AUTS2: variants seen among roughly 807,000 people sequenced by gnomAD.
AUTS2 encodes the protein autism susceptibility gene 2 protein.
Under a neutral mutation model 112.4 loss-of-function variants are expected in AUTS2, and 17 were observed. That is an observed-to-expected ratio of 0.15 (90% CI 0.10 to 0.23). The LOEUF is 0.23. AUTS2 is among the 10% of genes least tolerant of loss of function. The probability of loss-of-function intolerance (pLI) is 1.00; values close to 1 mark genes in which losing one functional copy is unlikely to be tolerated. For synonymous variants in AUTS2, 751 were observed against 702.7 expected (o/e 1.07, Z -1.09); for missense variants, 1,510 against 1,701.6 (o/e 0.89, Z 1.98).
At chr7:70,000,425 T>G (rs1799139192) in intron 2 of AUTS2, among the ~76,000 whole-genome samples, 1 of 152,220 alleles carries the variant, frequency 6.6e-6, no homozygotes, top group African/African-American at 2.4e-5. Context: ...AAATGTCTGT[T>G]GTGTACAGTT....
intron 1 of AUTS2, among the ~76,000 whole-genome samples, chr7:69,845,356 G>A (rs911175008): frequency 6.6e-6 from 1 of 152,176 alleles, no homozygotes; most frequent in Admixed American, 6.5e-5. Flanking sequence ...AACTGGCAAA[G>A]AGAATCAAGA....
intron 1 of AUTS2, among the ~76,000 whole-genome samples, chr7:69,651,336 C>T (rs1340550708): frequency 1.3e-5 from 2 of 152,162 alleles, no homozygotes; most frequent in African/African-American, 4.8e-5. Context: ...TTTTCTGAGC[C>T]ACAGGTTCAG....
intron 4 of AUTS2, among the ~76,000 whole-genome samples, chr7:70,269,937 G>A (rs979457963): frequency 1.1e-4 from 17 of 152,110 alleles, no homozygotes; most frequent in African/African-American, 4.1e-4. Context: ...GCTTTGGGAG[G>A]CCAAAGTGGA....
At chr7:69,843,650 C>G (rs1303924157) in intron 1 of AUTS2, among the ~76,000 whole-genome samples, 1 of 152,046 alleles carries the variant, frequency 6.6e-6, no homozygotes, top group African/African-American at 2.4e-5. Context: ...TTGTAGAGTA[C>G]CAGGGGGAAT....
At chr7:70,309,937 A>G (rs1300935833) in intron 4 of AUTS2, among the ~76,000 whole-genome samples, 1 of 152,184 alleles carries the variant, frequency 6.6e-6, no homozygotes, top group Admixed American at 6.6e-5. Flanking sequence ...AGGCAAATCA[A>G]GTTCACATAT....
intron 2 of AUTS2, among the ~76,000 whole-genome samples, chr7:70,040,360 G>T (rs1035679043): frequency 6.6e-6 from 1 of 152,092 alleles, no homozygotes; most frequent in African/African-American, 2.4e-5. Flanking sequence ...ACCTAAAACT[G>T]CTCTGAAAAA....
chr7:70,576,152 A>C (rs571294898), intron 5 of AUTS2, among the ~76,000 whole-genome samples: 1 of 152,190 alleles, frequency 6.6e-6, no homozygotes, highest in African/African-American at 2.4e-5. Context: ...TTGAGTCCCA[A>C]ATTCTGGCCT....
chr7:70,497,027 A>C (rs1166046134), intron 5 of AUTS2, among the ~76,000 whole-genome samples: 10 of 90,644 alleles, frequency 1.1e-4, no homozygotes, highest in East Asian at 5.8e-4. Context: ...ACACACACAC[A>C]CCCCACACAT....
rs563306298 is a variant in AUTS2 at position 70,510,506 on chromosome 7, C to T, written c.690+74725C>T. 7.8e-4 allele frequency among the ~76,000 whole-genome samples: 119 copies of T among 152,274 alleles called. No individual in the cohort carries two copies. In the Middle Eastern group the frequency reaches 0.01, roughly 13 times the overall value. ...GGTACCCAAGGGGGATCCCCAAGAC[C>T]CTGTCAGGAGTTCTCCAAGGCCAAA... On this transcript the variant is annotated intron_variant, in intron 5 of 18. Transcript: ENST00000342771.
chr7:70,410,344 T>C (rs1387069600), intron 4 of AUTS2, among the ~76,000 whole-genome samples: 1 of 152,144 alleles, frequency 6.6e-6, no homozygotes, highest in African/African-American at 2.4e-5. Context: ...GAACTTCAGA[T>C]TTCATATCTT....
At chr7:70,649,060 G>T (rs1479671649) in intron 5 of AUTS2, among the ~76,000 whole-genome samples, 1 of 152,178 alleles carries the variant, frequency 6.6e-6, no homozygotes, top group Non-Finnish European at 1.5e-5. Context: ...GATTATATAT[G>T]TCAACCTCAG....
chr7:70,449,886 T>C (rs1441960166), intron 5 of AUTS2, among the ~76,000 whole-genome samples: 10 of 152,182 alleles, frequency 6.6e-5, no homozygotes, highest in African/African-American at 2.4e-4. Context: ...TAGTAGCTAA[T>C]GAATTACTCC....
At chr7:70,656,027 A>G (rs760511529) in intron 5 of AUTS2, among the ~76,000 whole-genome samples, 3 of 151,974 alleles carry the variant, frequency 2.0e-5, no homozygotes, top group Non-Finnish European at 2.9e-5. Flanking sequence ...AGTCTTTTGG[A>G]TGTTGTGTGT....
At chr7:70,537,026 A>G (rs966829535) in intron 5 of AUTS2, among the ~76,000 whole-genome samples, 3 of 152,136 alleles carry the variant, frequency 2.0e-5, no homozygotes, top group African/African-American at 4.8e-5. Context: ...CCACTCCACA[A>G]CACATCCTCA....
intron 2 of AUTS2, among the ~76,000 whole-genome samples, chr7:70,089,540 T>TA (rs1246901833): frequency 6.6e-6 from 1 of 152,128 alleles, no homozygotes; most frequent in Non-Finnish European, 1.5e-5. Flanking sequence ...ATTTAGGTCT[T>TA]TATAATTCTT....
chr7:70,442,879 A>G (rs1796176737), intron 5 of AUTS2, among the ~76,000 whole-genome samples: 1 of 152,208 alleles, frequency 6.6e-6, no homozygotes, highest in Non-Finnish European at 1.5e-5. Context: ...GGTTAAAATG[A>G]CATTTTATTG....
intron 4 of AUTS2, among the ~76,000 whole-genome samples, chr7:70,178,174 C>G (rs1486990807): frequency 6.6e-6 from 1 of 152,016 alleles, no homozygotes; most frequent in East Asian, 1.9e-4. Context: ...GTTTGGGACC[C>G]CTAACATGAT....
At chr7:69,879,350 A>T (rs973573095) in intron 1 of AUTS2, among the ~76,000 whole-genome samples, 1 of 144,886 alleles carries the variant, frequency 6.9e-6, no homozygotes, top group Non-Finnish European at 1.5e-5. Flanking sequence ...GGATTTTGCC[A>T]TGTTGCCCAG....
At chr7:70,267,532 C>T (rs1233601899) in intron 4 of AUTS2, among the ~76,000 whole-genome samples, 1 of 152,080 alleles carries the variant, frequency 6.6e-6, no homozygotes, top group Non-Finnish European at 1.5e-5. Context: ...AATGCCTTTT[C>T]CTTTGAGCTG....
Sources: gnomAD v4.1 joint callset for allele counts (sites outside exome capture counted in the v4.1 genomes callset) on GRCh38, gnomAD v4.1.1 for gene constraint, MANE v1.5 for transcripts, NCBI Gene and HGNC (gene_info 2026-07-23, HGNC 2026-07-21) for gene names.